Variants in CBR1 observed in about 807,000 individuals in gnomAD.
CBR1 encodes carbonyl reductase [NADPH] 1.
Under a neutral mutation model 10.6 loss-of-function variants are expected in CBR1, and 11 were observed. The ratio of observed to expected loss-of-function variants is 1.03; its 90% CI spans 0.65 to 1.71. The LOEUF is 1.71. Among genes scored for constraint, CBR1 ranks in the 40% most tolerant of loss-of-function variants. The pLI is 0.00. For missense variants in CBR1, 361 were observed against 368.6 expected (o/e 0.98, Z 0.17); for synonymous variants, 158 against 156.7 (o/e 1.01, Z -0.06).
intron 1 of CBR1, 188 bp downstream of exon 1, chr21:36,070,592 T>C: frequency 1.7e-6 from 1 of 601,018 alleles, no homozygotes. Context: ...GCTGGGACTC[T>C]TGGGGATCTT....
At chr21:36,071,984 T>C in intron 2 of CBR1, 4 of 1,534,982 alleles carry the variant, frequency 2.6e-6, no homozygotes, top group Non-Finnish European at 3.5e-6. Context: ...CTATCACATG[T>C]CTTTGGTTGT....
intron 1 of CBR1, chr21:36,070,608 G>C (rs1453910909): frequency 3.5e-6 from 2 of 571,268 alleles, no homozygotes; most frequent in Non-Finnish European, 5.9e-6. Context: ...ATCTTTTTCA[G>C]GTTTTCTGCA....
At position 36,072,797 on chromosome 21, in the gene CBR1, C is replaced by A. The variant is rs148205009; in HGVS notation, c.749C>A (p.Thr250Asn). 14 of 1,613,926 alleles carry A rather than the reference C, an allele frequency of 8.7e-6. No individual in the cohort carries two copies. The highest frequency in any genetic ancestry group is 3.3e-5 in the Admixed American group (2 of 59,990). The change falls in exon 3 of 3, where the codon ACC becomes AAC. Residue 250 changes from threonine (T) to asparagine (N), a missense_variant. Thr to Asn is a moderately conservative substitution (Grantham distance 65, BLOSUM62 0). Coordinates refer to ENST00000290349, the MANE Select transcript of CBR1 (RefSeq NM_001757.4). Reference sequence around the variant, plus strand: ...AAGAGCCCAGAAGAAGGTGCAGAGACCCCTGTGTACTTGGCCCTTTTGCCC... The same window carrying A: ...AAGAGCCCAGAAGAAGGTGCAGAGAACCCTGTGTACTTGGCCCTTTTGCCC... ...ATKSPEEGAE[T>N]PVYLALLPPD...
At position 36,070,123 on chromosome 21, in the gene CBR1, C is replaced by T. The variant is rs1441384240; in HGVS notation, c.8C>T (p.Ser3Phe). The T allele has an allele frequency of 6.6e-7, 1 of 1,521,696 alleles. No homozygotes were observed. The highest frequency in any genetic ancestry group is 8.8e-7 in the Non-Finnish European group (1 of 1,134,232). The allele number at this position is 1,521,696 out of a possible 1,614,324, so 94.3% of individuals were successfully genotyped here. Reference protein sequence around the residue: MSSGIHVALVTGG... With the variant: MSFGIHVALVTGG... ...CGCGCGCCCCGTTCAGCCATGTCGT[C>T]CGGCATCCATGTAGCGCTGGTGACT... Residue 3 changes from serine (S) to phenylalanine (F), a missense_variant, in exon 1 of 3, where the codon TCC (serine) becomes TTC (phenylalanine). Coordinates refer to ENST00000290349, the MANE Select transcript of CBR1 (RefSeq NM_001757.4).
intron 2 of CBR1, 26 bp from the exon 3 acceptor site, chr21:36,072,420 A>T (rs778680682): frequency 3.7e-6 from 6 of 1,614,028 alleles, no homozygotes; most frequent in Non-Finnish European, 5.1e-6. Context: ...ACACCTTTCT[A>T]CATAATGCTT....
At chr21:36,072,003 G>A in intron 2 of CBR1, 9 of 1,530,392 alleles carry the variant, frequency 5.9e-6, no homozygotes, top group Admixed American at 2.0e-5. Flanking sequence ...GTAAACTGCT[G>A]TGATAGTTAC....
intron 2 of CBR1, chr21:36,072,014 C>T (rs2065355317): frequency 1.3e-6 from 2 of 1,523,924 alleles, no homozygotes; most frequent in African/African-American, 2.7e-5. Flanking sequence ...TGATAGTTAC[C>T]CTAAGTAATG....
Position 36,072,202 on chromosome 21 carries a change from C to G in CBR1, c.398-244C>G, listed in dbSNP as rs781084203. 2.1e-5 allele frequency: 32 copies of G among 1,550,434 alleles called. No individual in the cohort carries two copies. In the African/African-American group the frequency reaches 3.6e-4, roughly 17 times the overall value. On this transcript the variant is annotated intron_variant, in intron 2 of 2. Transcript: ENST00000290349. ...TGCTACTTCTAAGGCTCTGGTTCAC[C>G]AGGACCTCAAAGGGCAGCTCTTCCA... is the stretch of plus-strand genomic sequence containing the variant.
chr21:36,073,145 T>G lies in CBR1; in HGVS notation c.*263T>G. 1 of 363,528 alleles carries G rather than the reference T, an allele frequency of 2.8e-6. No homozygotes were observed. The highest frequency in any genetic ancestry group is 5.0e-6 in the Non-Finnish European group (1 of 201,386). The allele number at this position is 363,528 out of a possible 1,614,324, so 22.5% of individuals were successfully genotyped here. A position where few individuals can be genotyped will look rare whatever the true frequency, so the allele number is the denominator to read the frequency against. On this transcript the variant is annotated 3_prime_UTR_variant, in exon 3 of 3. Transcript: ENST00000290349. ...TAATGAATGAAAATCAACAGATGAA[T>G]AAATGGTTCTTTATAAGTGTCCATT...
intron 2 of CBR1, chr21:36,071,857 C>G (rs1391994845): frequency 1.3e-6 from 2 of 1,536,122 alleles, no homozygotes; most frequent in Non-Finnish European, 1.7e-6. Context: ...TCCCAAAATC[C>G]TTCAGGAGGA....
intron 2 of CBR1, chr21:36,071,552 CTAAGA>C: frequency 8.8e-6 from 5 of 566,664 alleles, no homozygotes; most frequent in Non-Finnish European, 9.4e-6. Context: ...TCCCCACAAT[CTAAGA>C]TATTTCCAGA....
chr21:36,070,458 T>G (rs1351094540), intron 1 of CBR1, 54 bp downstream of exon 1: 2 of 1,517,540 alleles, frequency 1.3e-6, no homozygotes, highest in Non-Finnish European at 1.8e-6. Flanking sequence ...CTGGGGCTCC[T>G]GGCGTCTGCG....
chr21:36,071,815 C>T (rs1170961535), intron 2 of CBR1: 2 of 1,533,236 alleles, frequency 1.3e-6, no homozygotes, highest in African/African-American at 2.7e-5. Context: ...CCTTTCCCAG[C>T]ATCCTGCGTA....
Position 36,072,677 on chromosome 21 carries a change from G to A in CBR1, c.629G>A (p.Arg210Lys). 1 of 1,614,120 alleles carries A rather than the reference G, an allele frequency of 6.2e-7. No homozygotes were observed. Among genetic ancestry groups the A allele is most frequent in the Non-Finnish European group, 8.5e-7 (1 of 1,180,010 alleles). The change falls in exon 3 of 3, where the codon AGG becomes AAG. Residue 210 changes from arginine to lysine, a missense_variant. Coordinates refer to ENST00000290349, the MANE Select transcript of CBR1 (RefSeq NM_001757.4). ...ACCGTTCTGTCCAGGATCCACGCCA[G>A]GAAACTGAGTGAGCAGAGGAAAGGG... is the stretch of plus-strand genomic sequence containing the variant. The part of the protein sequence containing the change: ...GVTVLSRIHA[R>K]KLSEQRKGDK...
At position 36,073,051 on chromosome 21, in the gene CBR1, T is replaced by C. The variant is rs2065365758; in HGVS notation, c.*169T>C. The C allele has an allele frequency of 6.4e-6, 3 of 469,640 alleles. No homozygotes were observed. The highest frequency in any genetic ancestry group is 6.4e-5 in the East Asian group (2 of 31,174). The allele number at this position is 469,640 out of a possible 1,614,324, so 29.1% of individuals were successfully genotyped here. On this transcript the variant is annotated 3_prime_UTR_variant, in exon 3 of 3. Coordinates refer to ENST00000290349, the MANE Select transcript of CBR1 (RefSeq NM_001757.4). ...TGAGCAACCTACGCACTCAGTTGAC[T>C]ACGTAAATCTGTCAGGTCTTTTGTG...
rs576524713 is a variant in CBR1, at chr21:36,070,313, T to C, written c.198T>C (p.Asp66=). The C allele has an allele frequency of 1.9e-6, 3 of 1,613,290 alleles. No homozygotes were observed. The highest frequency in any genetic ancestry group is 1.3e-5 in the African/African-American group (1 of 75,056). ...GCTTCCACCAGCTGGACATCGACGATCTGCAGAGCATCCGCGCCCTGCGCG... is the reference window on the plus strand; with the variant it reads ...GCTTCCACCAGCTGGACATCGACGACCTGCAGAGCATCCGCGCCCTGCGCG... The part of the protein sequence containing the change: ...SPRFHQLDID[D]LQSIRALRDF... The change falls in exon 1 of 3, where the codon GAT becomes GAC. Residue 66 remains aspartate (D), a synonymous_variant. Transcript: ENST00000290349.
Position 36,070,365 on chromosome 21 carries a change from C to A in CBR1, c.250C>A (p.Leu84Met), listed in dbSNP as rs2065341854. The change falls in exon 1 of 3, where the codon CTG (leucine) becomes ATG (methionine). Residue 84 changes from leucine to methionine, a missense_variant. Leu to Met is a conservative substitution (Grantham distance 15). Transcript: ENST00000290349. ...CTTCCTGCGCAAGGAGTACGGGGGC[C>A]TGGACGTGCTGGTCAACAACGCGGG... Reference protein sequence around the residue: ...RDFLRKEYGGLDVLVNNAGIA... With the variant: ...RDFLRKEYGGMDVLVNNAGIA... 2 of 1,611,610 alleles carry A rather than the reference C, an allele frequency of 1.2e-6. No individual in the cohort carries two copies. The highest frequency in any genetic ancestry group is 8.5e-7 in the Non-Finnish European group (1 of 1,178,910).
chr21:36,072,001 C>A, intron 2 of CBR1: 1 of 1,530,574 alleles, frequency 6.5e-7, no homozygotes, highest in Non-Finnish European at 8.7e-7. Context: ...TTGTAAACTG[C>A]TGTGATAGTT....
chr21:36,073,001 T>A lies in CBR1; in HGVS notation c.*119T>A, dbSNP rs747959488. 1 of 662,974 alleles carries A rather than the reference T, an allele frequency of 1.5e-6. No homozygotes were observed. Among genetic ancestry groups the A allele is most frequent in the Non-Finnish European group, 2.5e-6 (1 of 400,572 alleles). The allele number at this position is 662,974 out of a possible 1,614,324, so 41.1% of individuals were successfully genotyped here. ...AGAAAAAAAATGATCTCTTATCAAT[T>A]AGCACTCACTAATGTACTACTAATT... On this transcript the variant is annotated 3_prime_UTR_variant, in exon 3 of 3. Coordinates refer to ENST00000290349, the MANE Select transcript of CBR1 (RefSeq NM_001757.4).
Sources: gnomAD v4.1 joint callset for allele counts on GRCh38, gnomAD v4.1.1 for gene constraint, MANE v1.5 for transcripts, NCBI Gene and HGNC (gene_info 2026-07-23, HGNC 2026-07-21) for gene names.